VWA8: variants seen among roughly 807,000 people sequenced by gnomAD.
VWA8 encodes von Willebrand factor A domain-containing protein 8.
Under a neutral mutation model 241.5 loss-of-function variants are expected in VWA8, and 221 were observed. The ratio of observed to expected loss-of-function variants is 0.91; its 90% CI spans 0.82 to 1.02. The LOEUF is 1.02. Among genes scored for constraint, VWA8 ranks in the 50% least tolerant of loss-of-function variants. The probability of loss-of-function intolerance (pLI) is 0.00; values close to 1 mark genes in which losing one functional copy is unlikely to be tolerated. For missense variants in VWA8, 2,322 were observed against 2,328.7 expected (o/e 1.00, Z 0.06); for synonymous variants, 852 against 827.1 (o/e 1.03, Z -0.52).
rs41288289 is a variant in VWA8, at chr13:41,675,267, T to C, written c.4357A>G (p.Ile1453Val). 11 of 1,613,156 alleles carry C rather than the reference T, an allele frequency of 6.8e-6. No individual in the cohort carries two copies. Among genetic ancestry groups the C allele is most frequent in the African/African-American group, 2.7e-5 (2 of 74,996 alleles). The change falls in exon 36 of 45, where the codon ATA (isoleucine) becomes GTA (valine). Residue 1453 changes from isoleucine (I) to valine (V), a missense_variant. Ile to Val is a conservative substitution (Grantham distance 29). Transcript: ENST00000379310. ...TTTGATTGAAGATCAGTGACTTCTA[T>C]ATAACCAGATGTTTGTGGAGGAGTA... Reference protein sequence around the residue: ...DVTPPQTSGYIEVTDLQSKKL... With the variant: ...DVTPPQTSGYVEVTDLQSKKL...
chr13:41,759,549 G>T (rs1034391621), intron 21 of VWA8, among the ~76,000 whole-genome samples: 1 of 151,320 alleles, frequency 6.6e-6, no homozygotes, highest in Non-Finnish European at 1.5e-5. Context: ...GACTACAATT[G>T]TGTGTATGTG....
At chr13:41,909,169 C>T (rs1593862143) in intron 3 of VWA8, among the ~76,000 whole-genome samples, 1 of 152,024 alleles carries the variant, frequency 6.6e-6, no homozygotes, top group East Asian at 1.9e-4. Context: ...TCTTGTGCCT[C>T]AGCCTCCAGA....
chr13:41,687,871 G>C (rs2045147479), intron 34 of VWA8, among the ~76,000 whole-genome samples: 1 of 152,004 alleles, frequency 6.6e-6, no homozygotes, highest in East Asian at 1.9e-4. Flanking sequence ...AGTGTTACAG[G>C]CTATAAGAAT....
intron 28 of VWA8, 114 bp from the exon 29 acceptor site, chr13:41,699,384 G>A: frequency 1.0e-6 from 1 of 984,382 alleles, no homozygotes; most frequent in Non-Finnish European, 1.6e-6. Flanking sequence ...TTGGAACTCA[G>A]CAGATGATTT....
At chr13:41,658,787 G>A (rs2044928670) in intron 37 of VWA8, among the ~76,000 whole-genome samples, 1 of 152,202 alleles carries the variant, frequency 6.6e-6, no homozygotes, top group South Asian at 2.1e-4. Context: ...GAAGCAGAGA[G>A]CATTGGTGGT....
In VWA8 at chr13:41,830,606, A is replaced by C. The variant is rs956457542; in HGVS notation, c.1623T>G (p.Gly541=). Reference sequence around the variant, plus strand: ...ACCTGTCTTCTCTCAGCAGCCTAGAACCATCATAGAGGCTTAGCTCTCGAT... The same window carrying C: ...ACCTGTCTTCTCTCAGCAGCCTAGACCCATCATAGAGGCTTAGCTCTCGAT... ...IHDRELSLYD[G]SRLLREDRYM... is the part of the protein sequence containing the mutation. Residue 541 remains glycine, a synonymous_variant, in exon 14 of 45, where the codon GGT becomes GGG. Transcript: ENST00000379310. 6.8e-6 allele frequency: 11 copies of C among 1,613,812 alleles called. No homozygotes were observed. The highest frequency in any genetic ancestry group is 9.3e-6 in the Non-Finnish European group (11 of 1,179,830).
chr13:41,784,973 T>C (rs1869120167), intron 18 of VWA8, among the ~76,000 whole-genome samples: 1 of 151,328 alleles, frequency 6.6e-6, no homozygotes. Context: ...ACATTATTAG[T>C]TCCTGGAAGC....
intron 4 of VWA8, among the ~76,000 whole-genome samples, chr13:41,897,929 T>C (rs1328075911): frequency 6.6e-6 from 1 of 152,096 alleles, no homozygotes; most frequent in South Asian, 2.1e-4. Context: ...TAGAGCCGAG[T>C]GGTCTGTTTT....
rs184974281 is a variant in VWA8, at chr13:41,724,523, C to T, written c.2758+2671G>A. Among the ~76,000 whole-genome samples, 255 of 152,264 alleles carry T rather than the reference C, an allele frequency of 1.7e-3. 1 individual carries two copies. The highest frequency in any genetic ancestry group is 3.0e-3 in the Non-Finnish European group (206 of 68,028). On this transcript the variant is annotated intron_variant, in intron 24 of 44. Coordinates refer to ENST00000379310, the MANE Select transcript of VWA8 (RefSeq NM_015058.2). ...GGGATCTGGTGCTCATCTGGAGGGA[C>T]TCCCTCTAGATGGGAATGTGAACAG...
Position 41,569,663 on chromosome 13 carries a change from A to T in VWA8, c.5609+805T>A, listed in dbSNP as rs377759152. 9.6e-3 allele frequency among the ~76,000 whole-genome samples: 1,368 copies of T among 142,774 alleles called. 7 individuals are homozygous for T. The highest frequency in any genetic ancestry group is 0.013 in the Non-Finnish European group (866 of 66,368). 93.7% of individuals were successfully genotyped at this position (142,774 alleles called of 152,430 possible). On this transcript the variant is annotated intron_variant, in intron 44 of 44. Transcript: ENST00000379310. ...GGCAGGGATTTTTTTTTTTTTTTTTAAGATTACTTTCACTGGTGTTTTATG... is the reference window on the plus strand; with the variant it reads ...GGCAGGGATTTTTTTTTTTTTTTTTTAGATTACTTTCACTGGTGTTTTATG...
At chr13:41,878,833 A>G (rs1874027232) in intron 9 of VWA8, among the ~76,000 whole-genome samples, 2 of 152,198 alleles carry the variant, frequency 1.3e-5, no homozygotes, top group Admixed American at 6.5e-5. Flanking sequence ...CTATAACTTT[A>G]TAATAAATTT....
intron 2 of VWA8, among the ~76,000 whole-genome samples, chr13:41,949,031 T>TAAAAAAAAAAAAAAA (rs35506856): frequency 4.7e-5 from 3 of 63,390 alleles, no homozygotes; most frequent in Non-Finnish European, 8.6e-5. Context: ...TCTACCATCA[T>TAAAAAAAAAAAAAAA]AAAAAAAAAA....
Position 41,615,002 on chromosome 13 carries a change from C to T in VWA8, c.4694G>A (p.Gly1565Asp), listed in dbSNP as rs762377355. 1.2e-5 allele frequency: 20 copies of T among 1,613,598 alleles called. No individual in the cohort carries two copies. In the East Asian group the frequency reaches 4.5e-4, roughly 36 times the overall value. The change falls in exon 38 of 45, where the codon GGC becomes GAC. Residue 1565 changes from glycine (G) to aspartate (D), a missense_variant. Gly to Asp is a moderately conservative substitution (Grantham distance 94, BLOSUM62 -1). Transcript: ENST00000379310. ...KEDPDNMPHV[G>D]GNTWAGGTGG... ...TGTTCCGCCAGCCCAAGTGTTGCCG[C>T]CCACGTGAGGCATGTTGTCTGGGTC...
chr13:41,820,291 A>C (rs879327545), intron 14 of VWA8, among the ~76,000 whole-genome samples: 2 of 152,226 alleles, frequency 1.3e-5, no homozygotes, highest in Non-Finnish European at 2.9e-5. Context: ...AAATATAGGT[A>C]CATAACTGCC....
In VWA8 at chr13:41,833,403, C is replaced by T. The variant is rs1871561410; in HGVS notation, c.1554G>A (p.Arg518=). 6.2e-7 allele frequency: 1 copy of T among 1,613,374 alleles called. No homozygotes were observed. Among genetic ancestry groups the T allele is most frequent in the Non-Finnish European group, 8.5e-7 (1 of 1,179,724 alleles). ...GKLVLLDGIH[R]VNAGTLAVLQ... ...ATACAGCAAGCGTGCCCGCATTCAC[C>T]CGGTGAATGCCATCCAGCAGGACCA... The change falls in exon 13 of 45, where the codon CGG becomes CGA. Residue 518 remains arginine (R), a synonymous_variant. Coordinates refer to ENST00000379310, the MANE Select transcript of VWA8 (RefSeq NM_015058.2).
At chr13:41,933,653 TCA>T (rs901707651) in intron 2 of VWA8, among the ~76,000 whole-genome samples, 3 of 151,906 alleles carry the variant, frequency 2.0e-5, no homozygotes, top group African/African-American at 7.2e-5. Flanking sequence ...AAAAACAGAC[TCA>T]CAATACACAC....
intron 17 of VWA8, among the ~76,000 whole-genome samples, chr13:41,801,697 GA>G (rs1315252770): frequency 2.0e-5 from 3 of 152,172 alleles, no homozygotes; most frequent in African/African-American, 4.8e-5. Context: ...AGTACAGACT[GA>G]AAAAATGTTA....
intron 4 of VWA8, among the ~76,000 whole-genome samples, chr13:41,900,918 T>TTA (rs1257436236): frequency 1.3e-5 from 2 of 152,166 alleles, no homozygotes; most frequent in Non-Finnish European, 2.9e-5. Flanking sequence ...CATTTACTTA[T>TTA]TATAGGTGAC....
At chr13:41,621,070 T>C (rs890974118) in intron 37 of VWA8, among the ~76,000 whole-genome samples, 1 of 152,180 alleles carries the variant, frequency 6.6e-6, no homozygotes, top group African/African-American at 2.4e-5. Context: ...TTTACAATGG[T>C]TTGACATAAC....
Sources: allele counts gnomAD v4.1 joint callset (sites outside exome capture counted in the v4.1 genomes callset), GRCh38; gene constraint gnomAD v4.1.1; transcripts MANE v1.5; gene names NCBI Gene and HGNC (gene_info 2026-07-23, HGNC 2026-07-21).